Variants in POU6F2 observed in about 807,000 individuals in gnomAD.
POU6F2 encodes the protein POU class 6 homeobox 2.
A neutral mutation model predicts 71.3 loss-of-function variants in POU6F2; 31 were observed. That is an observed-to-expected ratio of 0.43 (90% CI 0.33 to 0.59). The LOEUF (loss-of-function observed/expected upper bound fraction) is 0.59, where lower values mean the gene tolerates loss of function less well. Among genes scored for constraint, POU6F2 ranks in the 20% least tolerant of loss-of-function variants. The probability of loss-of-function intolerance (pLI) is 0.04; values close to 1 mark genes in which losing one functional copy is unlikely to be tolerated. For synonymous variants in POU6F2, 347 were observed against 355.7 expected, an observed-to-expected ratio of 0.98 and a Z score of 0.27; for missense variants, 783 against 856.8, an observed-to-expected ratio of 0.91 and a Z score of 1.07.
intron 4 of POU6F2, among the ~76,000 whole-genome samples, chr7:39,313,260 C>T (rs1292389478): frequency 6.6e-6 from 1 of 152,136 alleles, no homozygotes; most frequent in Non-Finnish European, 1.5e-5. Flanking sequence ...GGCCTTGCAC[C>T]ATTGCCTCTG....
chr7:39,327,033 AT>A (rs1298698259), intron 4 of POU6F2, among the ~76,000 whole-genome samples: 1 of 152,168 alleles, frequency 6.6e-6, no homozygotes, highest in Non-Finnish European at 1.5e-5. Context: ...TAATCCCAGC[AT>A]TTTAGGAGGC....
chr7:39,149,379 ATT>A (rs1253499164), intron 2 of POU6F2, among the ~76,000 whole-genome samples: 5 of 152,110 alleles, frequency 3.3e-5, no homozygotes, highest in Admixed American at 2.0e-4. Flanking sequence ...GTTTTTATTT[ATT>A]TGTTAATTTT....
At chr7:39,204,426 A>G in intron 3 of POU6F2, 100 bp downstream of exon 3, 2 of 935,870 alleles carry the variant, frequency 2.1e-6, no homozygotes, top group South Asian at 2.2e-5. Context: ...AATTGACTCC[A>G]ACAGAGCAAA....
At chr7:39,122,592 A>T (rs1792063397) in intron 2 of POU6F2, among the ~76,000 whole-genome samples, 1 of 151,450 alleles carries the variant, frequency 6.6e-6, no homozygotes, top group African/African-American at 2.4e-5. Context: ...CTGATGCTCC[A>T]TTTTCTGTTT....
intron 1 of POU6F2, among the ~76,000 whole-genome samples, chr7:39,064,468 A>C (rs985780728): frequency 6.6e-6 from 1 of 151,922 alleles, no homozygotes; most frequent in African/African-American, 2.4e-5. Flanking sequence ...ACATGCACAA[A>C]TGAAACAAAA....
At chr7:39,148,824 A>G (rs1792677184) in intron 2 of POU6F2, among the ~76,000 whole-genome samples, 1 of 152,250 alleles carries the variant, frequency 6.6e-6, no homozygotes, top group African/African-American at 2.4e-5. Flanking sequence ...TGCATTATCA[A>G]AATGGTTGTG....
At chr7:39,104,538 C>A (rs1791637168) in intron 2 of POU6F2, among the ~76,000 whole-genome samples, 1 of 152,062 alleles carries the variant, frequency 6.6e-6, no homozygotes, top group Non-Finnish European at 1.5e-5. Flanking sequence ...CCAGGGCAAG[C>A]ATGGAGAGAC....
At chr7:39,005,765 A>G (rs1789047580) in intron 1 of POU6F2, among the ~76,000 whole-genome samples, 1 of 152,148 alleles carries the variant, frequency 6.6e-6, no homozygotes, top group African/African-American at 2.4e-5. Flanking sequence ...TCCTAGACAA[A>G]TAATTCATAA....
intron 4 of POU6F2, among the ~76,000 whole-genome samples, chr7:39,243,087 C>T (rs1783755636): frequency 6.6e-6 from 1 of 152,150 alleles, no homozygotes; most frequent in Non-Finnish European, 1.5e-5. Flanking sequence ...TTTCATAGTT[C>T]TGTTTCTTAG....
At chr7:39,247,721 C>A (rs1268060781) in intron 4 of POU6F2, among the ~76,000 whole-genome samples, 1 of 152,064 alleles carries the variant, frequency 6.6e-6, no homozygotes, top group Non-Finnish European at 1.5e-5. Flanking sequence ...TCATAAGAGA[C>A]CATGAAGGAA....
intron 1 of POU6F2, among the ~76,000 whole-genome samples, chr7:39,028,032 A>T (rs859542): frequency 0.11 from 16,059 of 152,194 alleles, 904 homozygotes; most frequent in Middle Eastern, 0.13. Flanking sequence ...ATTTTTCCAA[A>T]ACTAAGTAAT....
intron 5 of POU6F2, among the ~76,000 whole-genome samples, chr7:39,362,717 C>T (rs1206281307): frequency 2.0e-5 from 3 of 152,076 alleles, no homozygotes; most frequent in Middle Eastern, 3.4e-3. Context: ...ACACTGATAA[C>T]TTACATGGGG....
At chr7:39,284,467 TA>T (rs1455095236) in intron 4 of POU6F2, among the ~76,000 whole-genome samples, 1 of 152,246 alleles carries the variant, frequency 6.6e-6, no homozygotes, top group Non-Finnish European at 1.5e-5. Flanking sequence ...CCTGACAGGT[TA>T]TTATAACTAC....
At chr7:39,141,444 T>A (rs1478705955) in intron 2 of POU6F2, among the ~76,000 whole-genome samples, 1 of 152,188 alleles carries the variant, frequency 6.6e-6, no homozygotes, top group East Asian at 1.9e-4. Context: ...CTCAGTTTGA[T>A]GAGGAAAGAT....
At chr7:39,414,636 A>C (rs1168652747) in intron 6 of POU6F2, among the ~76,000 whole-genome samples, 1 of 152,210 alleles carries the variant, frequency 6.6e-6, no homozygotes, top group African/African-American at 2.4e-5. Flanking sequence ...CCCCAGCAGA[A>C]GCGCCGGGCT....
chr7:39,371,923 T>A (rs1225940211), intron 5 of POU6F2, among the ~76,000 whole-genome samples: 2 of 152,184 alleles, frequency 1.3e-5, no homozygotes, highest in African/African-American at 4.8e-5. Context: ...TGTTTTGTTT[T>A]CTTCTTTTTC....
intron 6 of POU6F2, among the ~76,000 whole-genome samples, chr7:39,424,007 A>G (rs904432573): frequency 8.5e-5 from 13 of 152,204 alleles, no homozygotes; most frequent in African/African-American, 2.4e-4. Flanking sequence ...ATAGTTCTAG[A>G]GGCTGAGAAA....
intron 1 of POU6F2, among the ~76,000 whole-genome samples, chr7:39,062,840 C>T (rs767437114): frequency 1.6e-4 from 23 of 144,748 alleles, no homozygotes; most frequent in Non-Finnish European, 2.7e-4. Flanking sequence ...TCGCTTGAGC[C>T]CAGGAGTTTT....
chr7:39,298,592 T>C (rs1179186652), intron 4 of POU6F2, among the ~76,000 whole-genome samples: 1 of 152,186 alleles, frequency 6.6e-6, no homozygotes, highest in Non-Finnish European at 1.5e-5. Flanking sequence ...TGGAAGACAG[T>C]GTGGCTATTC....
Sources: allele counts gnomAD v4.1 joint callset (sites outside exome capture counted in the v4.1 genomes callset), GRCh38; gene constraint gnomAD v4.1.1; transcripts MANE v1.5; gene names NCBI Gene and HGNC (gene_info 2026-07-23, HGNC 2026-07-21).